CDCA2: variants seen among roughly 807,000 people sequenced by gnomAD.
CDCA2 encodes the protein cell division cycle-associated protein 2.
CDCA2 carries 44 observed loss-of-function variants against 67.0 expected under a neutral mutation model. The ratio of observed to expected loss-of-function variants is 0.66; its 90% confidence interval spans 0.52 to 0.84. CDCA2 has a LOEUF of 0.84. CDCA2 is among the 40% of genes least tolerant of loss of function. The pLI is 0.00. For synonymous variants in CDCA2, 447 were observed against 418.7 expected, an observed-to-expected ratio of 1.07 and a Z score of -0.82; for missense variants, 1,253 against 1,203.2, an observed-to-expected ratio of 1.04 and a Z score of -0.61.
chr8:25,461,268 C>CAA (rs61333775), intron 3 of CDCA2, among the ~76,000 whole-genome samples: 153 of 95,840 alleles, frequency 1.6e-3, no homozygotes, highest in African/African-American at 2.0e-3. Flanking sequence ...ACTCTGTCTC[C>CAA]AAAAAAAAAA....
intron 13 of CDCA2, among the ~76,000 whole-genome samples, chr8:25,499,865 ACTT>A (rs1031243902): frequency 2.7e-4 from 41 of 152,076 alleles, no homozygotes; most frequent in African/African-American, 9.7e-4. Flanking sequence ...AGCATATACA[ACTT>A]CTTCTGTTAT....
intron 4 of CDCA2, among the ~76,000 whole-genome samples, chr8:25,463,364 G>A (rs1376000611): frequency 2.6e-5 from 4 of 152,146 alleles, no homozygotes; most frequent in South Asian, 4.1e-4. Flanking sequence ...TAATGGAGCC[G>A]AAAAATTTCT....
rs780428870 is a variant in CDCA2, at chr8:25,503,558, T to C, written c.1843+14T>C. On this transcript the variant is annotated intron_variant, in intron 14 of 14. Coordinates refer to ENST00000330560, the MANE Select transcript of CDCA2 (RefSeq NM_152562.4). ...GACTGGGTTCAGGTATCCTGACATT[T>C]TCCTGGTAGTTATATTTTATCTTTT... is the stretch of plus-strand genomic sequence containing the variant. 6.3e-7 allele frequency: 1 copy of C among 1,578,716 alleles called. No individual in the cohort carries two copies. Among genetic ancestry groups the C allele is most frequent in the African/African-American group, 1.4e-5 (1 of 72,802 alleles).
chr8:25,461,930 A>G (rs1802705777), intron 3 of CDCA2, 124 bp from the exon 4 acceptor site: 2 of 882,526 alleles, frequency 2.3e-6, no homozygotes, highest in African/African-American at 1.7e-5. Flanking sequence ...GTAACTCTCC[A>G]CTGAGTTTTT....
rs144163787 is a variant in CDCA2 at position 25,465,610 on chromosome 8, C to A, written c.388-565C>A. 2.4e-3 allele frequency among the ~76,000 whole-genome samples: 359 copies of A among 148,664 alleles called. 2 individuals carry two copies. In the South Asian group the frequency reaches 0.027, roughly 11 times the overall value. On this transcript the variant is annotated intron_variant, in intron 4 of 14. Transcript: ENST00000330560. ...TTTTAAGAGAATGGCTGGCTTTCAA[C>A]CCTAAGAAGGAAATATCCTCCAGGT...
At chr8:25,478,884 GTGTGTATATATA>G (rs1563268923) in intron 7 of CDCA2, among the ~76,000 whole-genome samples, 1 of 117,570 alleles carries the variant, frequency 8.5e-6, no homozygotes, top group Non-Finnish European at 1.7e-5. Context: ...CTTGTTGTGT[GTGTGTATATATA>G]TATATATATA....
At position 25,480,000 on chromosome 8, in the gene CDCA2, C is replaced by T. The variant is rs1803504901; in HGVS notation, c.908C>T (p.Ala303Val). Residue 303 changes from alanine to valine, a missense_variant, in exon 8 of 15, where the codon GCA becomes GTA. Physicochemically the swap from Ala to Val is moderately conservative, Grantham distance 64. Transcript: ENST00000330560. ...TTCACAGCAGAAGTGAGCTCAGACG[C>T]AGTCCCTGATGTCAGGTCACCAGCT... ...DTFTAEVSSD[A>V]VPDVRSPATP... 1 of 1,614,030 alleles carries T rather than the reference C, an allele frequency of 6.2e-7. No homozygotes were observed. The highest frequency in any genetic ancestry group is 8.5e-7 in the Non-Finnish European group (1 of 1,180,032).
At chr8:25,483,638 C>CT in intron 9 of CDCA2, 152 bp downstream of exon 9, 1 of 611,208 alleles carries the variant, frequency 1.6e-6, no homozygotes, top group Non-Finnish European at 2.8e-6. Context: ...TTAGAATCTC[C>CT]TTGGAGAGCC....
chr8:25,490,684 C>T (rs1352067767), intron 13 of CDCA2, among the ~76,000 whole-genome samples: 3 of 152,230 alleles, frequency 2.0e-5, no homozygotes, highest in South Asian at 2.1e-4. Context: ...ACACCAGCCT[C>T]CTCCCACCCT....
intron 13 of CDCA2, among the ~76,000 whole-genome samples, chr8:25,497,666 G>T (rs191306342): frequency 6.6e-6 from 1 of 152,154 alleles, no homozygotes; most frequent in Non-Finnish European, 1.5e-5. Context: ...TGGTGACTAG[G>T]AAATAATAAT....
intron 7 of CDCA2, chr8:25,472,044 C>T (rs1803174071): frequency 6.6e-6 from 1 of 152,136 alleles, no homozygotes; most frequent in Non-Finnish European, 1.5e-5. Flanking sequence ...TAAGGGGGAG[C>T]TTAGGGGGAC....
intron 11 of CDCA2, among the ~76,000 whole-genome samples, chr8:25,486,227 T>A (rs548839184): frequency 6.6e-6 from 1 of 152,356 alleles, no homozygotes; most frequent in South Asian, 2.1e-4. Flanking sequence ...TTTTAGCACA[T>A]GTGCTTTCCA....
At chr8:25,474,788 G>A (rs1167940452) in intron 7 of CDCA2, among the ~76,000 whole-genome samples, 3 of 152,184 alleles carry the variant, frequency 2.0e-5, no homozygotes, top group African/African-American at 7.2e-5. Context: ...CATGTGATGG[G>A]CTCTGAGTCT....
chr8:25,490,499 C>T (rs1803960077), intron 13 of CDCA2, among the ~76,000 whole-genome samples: 1 of 151,900 alleles, frequency 6.6e-6, no homozygotes, highest in Admixed American at 6.6e-5. Context: ...ATTTACAGTT[C>T]AGAATGTGCT....
chr8:25,464,983 ATT>A (rs1491449473), intron 4 of CDCA2, among the ~76,000 whole-genome samples: 1 of 151,896 alleles, frequency 6.6e-6, no homozygotes, highest in African/African-American at 2.4e-5. Flanking sequence ...ATATATATAT[ATT>A]TTTTCTGAGA....
intron 5 of CDCA2, among the ~76,000 whole-genome samples, chr8:25,467,007 A>G (rs533532126): frequency 7.3e-5 from 9 of 123,972 alleles, no homozygotes. Context: ...GTGCTATTGC[A>G]CTCCAGCCTG....
At position 25,507,591 on chromosome 8, in the gene CDCA2, G is replaced by A; in HGVS notation, c.2925G>A (p.Arg975=). 5 of 1,614,178 alleles carry A rather than the reference G, an allele frequency of 3.1e-6. No homozygotes were observed. The highest frequency in any genetic ancestry group is 4.2e-6 in the Non-Finnish European group (5 of 1,180,024). The change falls in exon 15 of 15, where the codon AGG becomes AGA. Residue 975 remains arginine, a synonymous_variant. Transcript: ENST00000330560. The part of the protein sequence containing the change: ...AGSSDEPGKR[R]KSFCISTLAN... ...CTTCCGATGAACCTGGTAAGAGGAGGAAGAGCTTTTGTATATCTACACTTG... is the reference window on the plus strand; with the variant it reads ...CTTCCGATGAACCTGGTAAGAGGAGAAAGAGCTTTTGTATATCTACACTTG...
At chr8:25,505,943 T>A (rs1013554909) in intron 14 of CDCA2, among the ~76,000 whole-genome samples, 1 of 152,098 alleles carries the variant, frequency 6.6e-6, no homozygotes, top group African/African-American at 2.4e-5. Flanking sequence ...TAAGGGTCGA[T>A]TTTTATAATA....
intron 13 of CDCA2, among the ~76,000 whole-genome samples, chr8:25,495,779 A>T (rs938990486): frequency 6.6e-6 from 1 of 152,214 alleles, no homozygotes; most frequent in Non-Finnish European, 1.5e-5. Context: ...AAACAGTATG[A>T]AACACTCAAT....
Sources: gnomAD v4.1 joint callset for allele counts (sites outside exome capture counted in the v4.1 genomes callset) on GRCh38, gnomAD v4.1.1 for gene constraint, MANE v1.5 for transcripts, NCBI Gene and HGNC (gene_info 2026-07-23, HGNC 2026-07-21) for gene names.